The following DNAJC7 variants were observed in gnomAD, a reference collection of about 807,000 sequenced individuals.
The protein encoded by DNAJC7 is DnaJ heat shock protein family (Hsp40) member C7, also known as dnaJ homolog subfamily C member 7.
In DNAJC7, 18 loss-of-function variants were observed where a neutral mutation model predicts 67.4. That is an observed-to-expected ratio of 0.27 (90% confidence interval 0.18 to 0.40). The LOEUF (loss-of-function observed/expected upper bound fraction) is 0.40, where lower values mean the gene tolerates loss of function less well. Among genes scored for constraint, DNAJC7 ranks in the 10% least tolerant of loss-of-function variants. The pLI is 1.00. For synonymous variants in DNAJC7, 220 were observed against 207.8 expected (o/e 1.06, Z -0.50); for missense variants, 419 against 613.8 (o/e 0.68, Z 3.35).
rs112254965 is a variant in DNAJC7 at position 41,990,757 on chromosome 17, C to T, written c.481-375G>A. Among the ~76,000 whole-genome samples the T allele has an allele frequency of 3.7e-3, 568 of 151,878 alleles. 3 individuals are homozygous for T. The highest frequency in any genetic ancestry group is 5.7e-3 in the Non-Finnish European group (389 of 67,964). On this transcript the variant is annotated intron_variant, in intron 5 of 13. Coordinates refer to ENST00000457167, the MANE Select transcript of DNAJC7 (RefSeq NM_003315.4). ...TCTTGGCTCACTGCCACCTCTGCCT[C>T]CTGGGTTCACGCCATTCTCCTGCCT...
At chr17:41,997,075 G>A (rs373417364) in intron 3 of DNAJC7, 40 bp downstream of exon 3, 69 of 1,612,626 alleles carry the variant, frequency 4.3e-5, no homozygotes, top group Middle Eastern at 1.6e-4. Context: ...CTCAACTGTA[G>A]CAACCCAGCC....
chr17:41,994,836 G>C (rs558154669), intron 5 of DNAJC7, 34 bp downstream of exon 5: 107 of 1,598,898 alleles, frequency 6.7e-5, no homozygotes, highest in Middle Eastern at 6.6e-4. Context: ...TTGCGACAAA[G>C]AGCAGATGAG....
intron 12 of DNAJC7, among the ~76,000 whole-genome samples, chr17:41,981,210 T>C (rs1265873414): frequency 1.3e-5 from 2 of 152,062 alleles, no homozygotes; most frequent in Non-Finnish European, 2.9e-5. Context: ...TTATTTTTTT[T>C]AATTGAGACA....
chr17:41,995,604 G>A (rs1428918938), intron 4 of DNAJC7, among the ~76,000 whole-genome samples: 1 of 152,154 alleles, frequency 6.6e-6, no homozygotes, highest in South Asian at 2.1e-4. Flanking sequence ...ACAGGTTTTA[G>A]TCCAGAAGCC....
In DNAJC7 at chr17:41,997,252, CAGA is replaced by C; in HGVS notation, c.167-16_167-14del. 1 of 1,611,888 alleles carries C rather than the reference CAGA, an allele frequency of 6.2e-7. No individual in the cohort carries two copies. The highest frequency in any genetic ancestry group is 8.5e-7 in the Non-Finnish European group (1 of 1,178,834). On this transcript the variant is annotated splice_polypyrimidine_tract_variant and intron_variant, in intron 2 of 13. Transcript: ENST00000457167. Reference sequence around the variant, plus strand: ...TTAGGACACATATCTATAGGAAAGGCAGAAGAACGTAAAACAAAGTTTAGAACA... The same window carrying C: ...TTAGGACACATATCTATAGGAAAGGCAGAACGTAAAACAAAGTTTAGAACA...
chr17:41,979,875 C>T (rs34393982), intron 12 of DNAJC7, among the ~76,000 whole-genome samples: 65,053 of 149,614 alleles, frequency 0.43, 14,658 homozygotes, highest in South Asian at 0.57. Flanking sequence ...GCAGAAGAAT[C>T]ACTTGAACCC....
At chr17:41,995,066 T>TA (rs2051620132) in intron 4 of DNAJC7, 122 bp from the exon 5 acceptor site, 3 of 856,320 alleles carry the variant, frequency 3.5e-6, no homozygotes, top group Non-Finnish European at 3.8e-6. Flanking sequence ...CCTCTTTTGA[T>TA]AGAGATAGGG....
In DNAJC7 at chr17:41,982,377, G is replaced by C. The variant is rs782147359; in HGVS notation, c.1109C>G (p.Ala370Gly). 14 of 1,613,766 alleles carry C rather than the reference G, an allele frequency of 8.7e-6. No individual in the cohort carries two copies. The highest frequency in any genetic ancestry group is 1.3e-5 in the African/African-American group (1 of 74,888). ...TKEHKQLLKN[A>G]QLELKKSKRK... ...CTTACTCTTCTTCAGTTCCAGCTGCGCATTTTTTAGGAGCTGTTTGTGTTC... is the reference window on the plus strand; with the variant it reads ...CTTACTCTTCTTCAGTTCCAGCTGCCCATTTTTTAGGAGCTGTTTGTGTTC... Residue 370 changes from alanine to glycine, a missense_variant, in exon 11 of 14, where the codon GCG (alanine) becomes GGG (glycine). Ala to Gly is a moderately conservative substitution (Grantham distance 60). This residue lies in a region of DNAJC7 where 161 missense variants were observed against 252.2 expected (regional missense o/e 0.64). Transcript: ENST00000457167.
At chr17:41,996,922 G>A (rs1241662447) in intron 3 of DNAJC7, among the ~76,000 whole-genome samples, 193 bp downstream of exon 3, 3 of 152,222 alleles carry the variant, frequency 2.0e-5, no homozygotes, top group Admixed American at 1.3e-4. Flanking sequence ...ACTGGGCAGA[G>A]GGGGTGCTAC....
chr17:41,987,769 C>A, intron 9 of DNAJC7, 50 bp downstream of exon 9: 1 of 1,510,176 alleles, frequency 6.6e-7, no homozygotes. Flanking sequence ...GGCAATTCCC[C>A]TGAGGCCAGC....
intron 1 of DNAJC7, among the ~76,000 whole-genome samples, chr17:42,008,218 G>C (rs1003029147): frequency 3.4e-5 from 5 of 149,190 alleles, no homozygotes; most frequent in Non-Finnish European, 5.9e-5. Flanking sequence ...AGGCTGAGGC[G>C]GGAGAATTAT....
At chr17:42,000,629 C>T (rs1681351050) in intron 1 of DNAJC7, 59 bp from the exon 2 acceptor site, 2 of 1,311,932 alleles carry the variant, frequency 1.5e-6, no homozygotes, top group African/African-American at 3.0e-5. Context: ...CCTCTGTAAT[C>T]TTACAGGAGG....
At chr17:41,993,554 C>T (rs2051567356) in intron 5 of DNAJC7, among the ~76,000 whole-genome samples, 1 of 152,236 alleles carries the variant, frequency 6.6e-6, no homozygotes, top group South Asian at 2.1e-4. Context: ...GAAGTGACAA[C>T]TCTGTTCCTT....
intron 1 of DNAJC7, chr17:42,015,702 CAATT>C (rs1178654104): frequency 2.1e-5 from 3 of 141,274 alleles, no homozygotes; most frequent in African/African-American, 8.0e-5. Context: ...AAAAAAACAA[CAATT>C]AGCCGGATGT....
chr17:41,991,068 G>A (rs2051501269), intron 5 of DNAJC7, among the ~76,000 whole-genome samples: 1 of 152,166 alleles, frequency 6.6e-6, no homozygotes, highest in Non-Finnish European at 1.5e-5. Flanking sequence ...CACACAAAAA[G>A]GTGGGGATTA....
chr17:41,995,498 T>C (rs571453216), intron 4 of DNAJC7, among the ~76,000 whole-genome samples: 3 of 152,336 alleles, frequency 2.0e-5, no homozygotes, highest in Admixed American at 6.5e-5. Context: ...TCCTGTAAAA[T>C]TGTAATACCG....
intron 10 of DNAJC7, 51 bp from the exon 11 acceptor site, chr17:41,982,452 C>T (rs2051274792): frequency 1.3e-6 from 2 of 1,598,702 alleles, no homozygotes; most frequent in African/African-American, 1.3e-5. Flanking sequence ...TGGTTTTTTC[C>T]TCACCAGGTC....
rs1567954616 is a variant in DNAJC7 at position 41,981,952 on chromosome 17, C to T, written c.1287G>A (p.Lys429=). ...GGATAGTAAAGGCCTCTCCAACTTC[C>T]TTGAACTTCTTCTCCTCCTCCTTCT... The part of the protein sequence containing the change: ...EVQKEEEKKF[K]EVGEAFTILS... Residue 429 remains lysine, a synonymous_variant, in exon 12 of 14, where the codon AAG becomes AAA. Coordinates refer to ENST00000457167, the MANE Select transcript of DNAJC7 (RefSeq NM_003315.4). 7 of 1,613,988 alleles carry T rather than the reference C, an allele frequency of 4.3e-6. No homozygotes were observed. In the East Asian group the frequency reaches 1.6e-4, roughly 36 times the overall value.
chr17:41,990,071 C>A (rs573253258), intron 6 of DNAJC7, among the ~76,000 whole-genome samples, 193 bp downstream of exon 6: 1 of 152,304 alleles, frequency 6.6e-6, no homozygotes, highest in South Asian at 2.1e-4. Flanking sequence ...AGCTCAAGTA[C>A]CTGCTATACT....
Sources: allele counts gnomAD v4.1 joint callset (sites outside exome capture counted in the v4.1 genomes callset), GRCh38; gene constraint gnomAD v4.1.1; regional missense constraint gnomAD v4.1.1; transcripts MANE v1.5; gene names NCBI Gene and HGNC (gene_info 2026-07-23, HGNC 2026-07-21).